Variants in SKAP1 observed in about 807,000 individuals in gnomAD.
SKAP1 encodes the protein src kinase-associated phosphoprotein 1.
In SKAP1, 44 loss-of-function variants were observed where a neutral mutation model predicts 58.5. The ratio of observed to expected loss-of-function variants is 0.75; its 90% confidence interval spans 0.59 to 0.97. The LOEUF (loss-of-function observed/expected upper bound fraction) is 0.97, where lower values mean the gene tolerates loss of function less well. Among genes scored for constraint, SKAP1 ranks in the 50% least tolerant of loss-of-function variants. The pLI is 0.00. For synonymous variants in SKAP1, 127 were observed against 149.7 expected (o/e 0.85, Z 1.11); for missense variants, 390 against 435.2 (o/e 0.90, Z 0.92).
chr17:48,266,513 CTT>C (rs67981214), intron 4 of SKAP1, among the ~76,000 whole-genome samples: 16 of 138,472 alleles, frequency 1.2e-4, no homozygotes, highest in African/African-American at 1.3e-4. Flanking sequence ...TTCTTACTTT[CTT>C]TTTTTTTTTT....
chr17:48,313,235 C>A (rs993597785), intron 4 of SKAP1, among the ~76,000 whole-genome samples: 33 of 152,040 alleles, frequency 2.2e-4, no homozygotes, highest in Non-Finnish European at 5.9e-5. Context: ...TGACAAGATT[C>A]CCCATGCGTT....
At chr17:48,437,741 C>CAAAAAAAA in the SKAP1 span, among the ~76,000 whole-genome samples, 1 of 65,536 alleles carries the variant, frequency 1.5e-5, no homozygotes, top group African/African-American at 6.5e-5. Flanking sequence ...GACTCTGTCT[C>CAAAAAAAA]AAAAAAAAAA....
chr17:48,255,897 T>C (rs1460023204), intron 4 of SKAP1, among the ~76,000 whole-genome samples: 1 of 152,140 alleles, frequency 6.6e-6, no homozygotes, highest in Non-Finnish European at 1.5e-5. Flanking sequence ...AAATAAATTG[T>C]ATAAATGAAA....
chr17:48,427,371 T>C (rs930088590), intron 1 of SKAP1, among the ~76,000 whole-genome samples: 2 of 152,176 alleles, frequency 1.3e-5, no homozygotes, highest in African/African-American at 4.8e-5. Flanking sequence ...AAATGTCCCA[T>C]AATTCATTCA....
intron 4 of SKAP1, among the ~76,000 whole-genome samples, chr17:48,206,252 C>A (rs1056371142): frequency 3.9e-5 from 6 of 151,990 alleles, no homozygotes; most frequent in African/African-American, 1.4e-4. Flanking sequence ...TTTTACATTT[C>A]CTGGTTTATT....
intron 9 of SKAP1, among the ~76,000 whole-genome samples, chr17:48,176,503 T>C (rs1009600631): frequency 1.2e-4 from 19 of 152,192 alleles, no homozygotes; most frequent in Admixed American, 6.5e-4. Context: ...ATTTTCTACA[T>C]ATTGCTTTAG....
At chr17:48,320,567 G>A (rs71377355) in intron 4 of SKAP1, among the ~76,000 whole-genome samples, 3,128 of 152,046 alleles carry the variant, frequency 0.021, 128 homozygotes, top group African/African-American at 0.072. Context: ...TCTTACTAAG[G>A]CAAAGAAAAC....
chr17:48,296,396 G>A (rs967326559), intron 4 of SKAP1, among the ~76,000 whole-genome samples: 1 of 152,094 alleles, frequency 6.6e-6, no homozygotes, highest in Non-Finnish European at 1.5e-5. Context: ...AATGAAGCAA[G>A]GTGGTTGTTG....
At chr17:48,294,836 T>C (rs960028757) in intron 4 of SKAP1, among the ~76,000 whole-genome samples, 1 of 152,162 alleles carries the variant, frequency 6.6e-6, no homozygotes, top group African/African-American at 2.4e-5. Flanking sequence ...TGTCAATATA[T>C]AGTAGCAACA....
At chr17:48,210,206 G>A (rs2123342) in intron 4 of SKAP1, among the ~76,000 whole-genome samples, 126,453 of 152,136 alleles carry the variant, frequency 0.83, 52,614 homozygotes, top group East Asian at 0.95. Flanking sequence ...GGCTGGCACT[G>A]TTATACGGAG....
chr17:48,201,535 C>T (rs958881772), intron 4 of SKAP1, among the ~76,000 whole-genome samples: 2 of 151,966 alleles, frequency 1.3e-5, no homozygotes, highest in East Asian at 1.9e-4. Flanking sequence ...TGGTGTGCAC[C>T]GCCACACTTG....
At chr17:48,311,159 C>T (rs1014800696) in intron 4 of SKAP1, among the ~76,000 whole-genome samples, 1 of 152,148 alleles carries the variant, frequency 6.6e-6, no homozygotes, top group East Asian at 1.9e-4. Flanking sequence ...GTTCCCGTCT[C>T]GGAGTACAAA....
intron 11 of SKAP1, among the ~76,000 whole-genome samples, chr17:48,143,548 C>G (rs962039413): frequency 1.3e-5 from 2 of 152,186 alleles, no homozygotes; most frequent in Middle Eastern, 6.8e-3. Context: ...TGTTACTGTC[C>G]ATTTTCCGAC....
At chr17:48,173,425 C>G (rs190488106) in intron 9 of SKAP1, among the ~76,000 whole-genome samples, 76 of 152,316 alleles carry the variant, frequency 5.0e-4, no homozygotes, top group African/African-American at 1.8e-3. Context: ...CTGAAATAAA[C>G]CACATTAAAC....
chr17:48,178,090 G>T (rs1306414927), intron 9 of SKAP1, among the ~76,000 whole-genome samples: 1 of 152,114 alleles, frequency 6.6e-6, no homozygotes, highest in East Asian at 1.9e-4. Flanking sequence ...ATTGGCCAAG[G>T]GGAGGAGTTT....
Position 48,361,071 on chromosome 17 carries a change from GTACTATACTATACTA to G in SKAP1, c.178+2703_178+2717del, listed in dbSNP as rs67180445. 4.3e-3 allele frequency among the ~76,000 whole-genome samples: 628 copies of G among 145,480 alleles called. 2 individuals carry two copies. The highest frequency in any genetic ancestry group is 0.013 in the South Asian group (56 of 4,420). On this transcript the variant is annotated intron_variant, in intron 3 of 12. Coordinates refer to ENST00000336915, the MANE Select transcript of SKAP1 (RefSeq NM_003726.4). The stretch of plus-strand genomic sequence containing the variant: ...TGGTGATGGTTGCACAACTTGTACT[GTACTATACTATACTA>G]TACTATACTATACTATACTATACTA...
chr17:48,380,609 A>G (rs1405236990), intron 2 of SKAP1, among the ~76,000 whole-genome samples: 1 of 152,182 alleles, frequency 6.6e-6, no homozygotes, highest in Non-Finnish European at 1.5e-5. Context: ...CAAAATCCCC[A>G]GGTTTTTGTT....
intron 9 of SKAP1, among the ~76,000 whole-genome samples, chr17:48,177,378 T>C (rs959030485): frequency 6.6e-6 from 1 of 152,220 alleles, no homozygotes; most frequent in Non-Finnish European, 1.5e-5. Flanking sequence ...CTAAGAACTT[T>C]ACACATGTCA....
At chr17:48,251,614 T>G (rs2036521) in intron 4 of SKAP1, among the ~76,000 whole-genome samples, 12,355 of 152,216 alleles carry the variant, frequency 0.081, 651 homozygotes, top group East Asian at 0.2. Context: ...CCTAGTGATT[T>G]AAAACATTTG....
Sources: allele counts gnomAD v4.1 joint callset (sites outside exome capture counted in the v4.1 genomes callset), GRCh38; gene constraint gnomAD v4.1.1; transcripts MANE v1.5; gene names NCBI Gene and HGNC (gene_info 2026-07-23, HGNC 2026-07-21).